Variants in NAV2 observed in about 807,000 individuals in gnomAD.
NAV2 encodes the protein helicase, APC down-regulated 1.
Under a neutral mutation model 223.2 loss-of-function variants are expected in NAV2, and 54 were observed. The observed-to-expected ratio is 0.24, with a 90% CI of 0.19 to 0.30. NAV2 has a LOEUF of 0.30. NAV2 is among the 10% of genes least tolerant of loss of function. NAV2 has a pLI of 1.00. For missense variants in NAV2, 2,806 were observed against 3,147.5 expected, an observed-to-expected ratio of 0.89 and a Z score of 2.60; for synonymous variants, 1,279 against 1,239.3, an observed-to-expected ratio of 1.03 and a Z score of -0.67.
chr11:19,761,842 C>A (rs992253634), intron 1 of NAV2, among the ~76,000 whole-genome samples: 1 of 152,168 alleles, frequency 6.6e-6, no homozygotes, highest in Non-Finnish European at 1.5e-5. Context: ...TAGGTAAGTC[C>A]ATTTCTTTTC....
intron 10 of NAV2, among the ~76,000 whole-genome samples, chr11:19,970,882 T>C (rs1057486779): frequency 5.9e-5 from 9 of 152,192 alleles, no homozygotes; most frequent in Non-Finnish European, 1.0e-4. Context: ...TCCCCCCAGA[T>C]CTAATGTTCT....
chr11:19,636,747 G>A (rs1408419051), intron 1 of NAV2, among the ~76,000 whole-genome samples: 3 of 152,120 alleles, frequency 2.0e-5, no homozygotes, highest in Non-Finnish European at 2.9e-5. Context: ...TGGGATTATA[G>A]GCGTGAGCCA....
intron 7 of NAV2, among the ~76,000 whole-genome samples, chr11:19,938,411 T>C (rs2046104787): frequency 6.6e-6 from 1 of 152,154 alleles, no homozygotes; most frequent in Non-Finnish European, 1.5e-5. Flanking sequence ...CACGCCTCTT[T>C]AGAGGGTGCA....
intron 1 of NAV2, among the ~76,000 whole-genome samples, chr11:19,552,219 C>T (rs2044712288): frequency 6.6e-6 from 1 of 152,208 alleles, no homozygotes; most frequent in African/African-American, 2.4e-5. Context: ...TTTCATTTGC[C>T]TCTTTGCGGT....
chr11:19,640,641 G>A (rs188306828), intron 1 of NAV2, among the ~76,000 whole-genome samples: 52 of 152,252 alleles, frequency 3.4e-4, no homozygotes, highest in South Asian at 1.0e-3. Flanking sequence ...TAGGAAAAGA[G>A]ATGTGGTTCT....
chr11:19,590,741 C>T (rs985623963), intron 1 of NAV2, among the ~76,000 whole-genome samples: 2 of 152,292 alleles, frequency 1.3e-5, no homozygotes, highest in South Asian at 4.1e-4. Flanking sequence ...CAACCAAATA[C>T]CACCATTATG....
intron 29 of NAV2, among the ~76,000 whole-genome samples, chr11:20,095,442 A>C (rs2061180660): frequency 6.6e-6 from 1 of 152,220 alleles, no homozygotes; most frequent in South Asian, 2.1e-4. Flanking sequence ...TCCATATTCC[A>C]GAGAGGAAAT....
intron 1 of NAV2, among the ~76,000 whole-genome samples, chr11:19,611,088 G>A (rs1022700340): frequency 6.6e-6 from 1 of 152,190 alleles, no homozygotes; most frequent in African/African-American, 2.4e-5. Flanking sequence ...AAGGTGAAAT[G>A]TGCTTCTTAC....
intron 1 of NAV2, among the ~76,000 whole-genome samples, chr11:19,578,069 A>G (rs563577500): frequency 9.2e-5 from 14 of 152,294 alleles, no homozygotes; most frequent in Non-Finnish European, 1.3e-4. Flanking sequence ...TATTCCTCCT[A>G]TTAAATCCAG....
chr11:19,945,209 T>C (rs1046170360), intron 8 of NAV2, among the ~76,000 whole-genome samples: 4,511 of 55,078 alleles, frequency 0.082, 354 homozygotes, highest in African/African-American at 0.15. Flanking sequence ...TCCCTTTCTT[T>C]CCTTTCCTTC....
At chr11:19,455,563 G>T (rs1361557100) in intron 1 of NAV2, among the ~76,000 whole-genome samples, 2 of 151,888 alleles carry the variant, frequency 1.3e-5, no homozygotes, top group Non-Finnish European at 2.9e-5. Context: ...TGGCACTTAG[G>T]GCCTCAGTGA....
At position 20,054,212 on chromosome 11, in the gene NAV2, C is replaced by T. The variant is rs139580221; in HGVS notation, c.4614C>T (p.Ser1538=). ...CTGGCTCCAGCGTGACTTCTCCCTC[C>T]GGAACAAGATTCAACTTTTCCCAGC... ...FSSGSSVTSP[S]GTRFNFSQLA... Residue 1538 remains serine, a synonymous_variant, in exon 18 of 38, where the codon TCC becomes TCT. Coordinates refer to ENST00000349880, the MANE Select transcript of NAV2 (RefSeq NM_145117.5). 1.7e-5 allele frequency: 28 copies of T among 1,611,764 alleles called. No individual in the cohort carries two copies. Among genetic ancestry groups the T allele is most frequent in the African/African-American group, 9.3e-5 (7 of 74,872 alleles).
At chr11:19,627,216 C>A (rs528818556) in intron 1 of NAV2, among the ~76,000 whole-genome samples, 1 of 152,066 alleles carries the variant, frequency 6.6e-6, no homozygotes, top group African/African-American at 2.4e-5. Context: ...GGCGAAACCC[C>A]GTCTGTATTA....
At chr11:19,610,262 A>G (rs1280927475) in intron 1 of NAV2, among the ~76,000 whole-genome samples, 1 of 152,180 alleles carries the variant, frequency 6.6e-6, no homozygotes, top group East Asian at 1.9e-4. Context: ...TTATGTTTCA[A>G]CTTGATTCCA....
At chr11:19,659,299 A>C (rs560812013) in intron 1 of NAV2, among the ~76,000 whole-genome samples, 1 of 152,314 alleles carries the variant, frequency 6.6e-6, no homozygotes, top group African/African-American at 2.4e-5. Context: ...CAGGATGGGC[A>C]AATGCTGAGG....
At chr11:20,084,969 G>T (rs1402936031) in intron 26 of NAV2, among the ~76,000 whole-genome samples, 2 of 152,246 alleles carry the variant, frequency 1.3e-5, no homozygotes, top group African/African-American at 4.8e-5. Context: ...AGGGAGGATT[G>T]CTTGAGGCCA....
At chr11:19,997,864 A>G (rs920210211) in intron 11 of NAV2, among the ~76,000 whole-genome samples, 1 of 152,262 alleles carries the variant, frequency 6.6e-6, no homozygotes, top group East Asian at 1.9e-4. Context: ...CTCATGGTCC[A>G]TGGCTGGCTA....
chr11:19,821,980 T>G lies in NAV2; in HGVS notation c.268-10504T>G, dbSNP rs75488702. 7.9e-3 allele frequency among the ~76,000 whole-genome samples: 1,208 copies of G among 152,314 alleles called. 12 individuals carry two copies. The highest frequency in any genetic ancestry group is 0.028 in the African/African-American group (1,153 of 41,556). On this transcript the variant is annotated intron_variant, in intron 1 of 37. Coordinates refer to ENST00000349880, the MANE Select transcript of NAV2 (RefSeq NM_145117.5). ...TGTCACATAACATTGGGAAAGTCACTTTGCCTCTTTGAGCCTCAGTTTCCT... is the reference window on the plus strand; with the variant it reads ...TGTCACATAACATTGGGAAAGTCACGTTGCCTCTTTGAGCCTCAGTTTCCT...
chr11:20,054,668 A>G (rs1388666053), intron 18 of NAV2, among the ~76,000 whole-genome samples: 1 of 152,192 alleles, frequency 6.6e-6, no homozygotes, highest in Non-Finnish European at 1.5e-5. Context: ...CGCATATCCC[A>G]TGTTAGGTCA....
Sources: gnomAD v4.1 joint callset for allele counts (sites outside exome capture counted in the v4.1 genomes callset) on GRCh38, gnomAD v4.1.1 for gene constraint, MANE v1.5 for transcripts, NCBI Gene and HGNC (gene_info 2026-07-23, HGNC 2026-07-21) for gene names.